The following NBAS variants were observed in gnomAD, a reference collection of about 807,000 sequenced individuals.
The protein encoded by NBAS is NBAS subunit of NRZ tethering complex, also known as NAG/BC035112 fusion.
NBAS carries 219 observed loss-of-function variants against 302.5 expected under a neutral mutation model. That is an observed-to-expected ratio of 0.72 (90% CI 0.65 to 0.81). The LOEUF is 0.81. NBAS is among the 30% of genes least tolerant of loss of function. The pLI is 0.00. For synonymous variants in NBAS, 1,118 were observed against 1,021.6 expected (o/e 1.09, Z -1.80); for missense variants, 2,932 against 2,841.6 (o/e 1.03, Z -0.72).
chr2:14,993,006 TATA>T, the NBAS span, among the ~76,000 whole-genome samples: 1 of 152,174 alleles, frequency 6.6e-6, no homozygotes, highest in African/African-American at 2.4e-5. Flanking sequence ...CAAACAATTT[TATA>T]ATGTTTGTGA....
chr2:15,119,553 A>G, the NBAS span, among the ~76,000 whole-genome samples: 1 of 151,890 alleles, frequency 6.6e-6, no homozygotes, highest in Non-Finnish European at 1.5e-5. Context: ...GTTGGCCAAG[A>G]TGGTCTCGAT....
the NBAS span, among the ~76,000 whole-genome samples, chr2:14,803,334 G>C: frequency 6.6e-6 from 1 of 152,168 alleles, no homozygotes; most frequent in South Asian, 2.1e-4. Context: ...CTACTTAGCT[G>C]AATATTTTAG....
the NBAS span, among the ~76,000 whole-genome samples, chr2:14,990,446 G>A: frequency 1.3e-5 from 2 of 151,798 alleles, no homozygotes; most frequent in Admixed American, 6.6e-5. Flanking sequence ...TGTTAAAACA[G>A]CAAGAATACT....
At chr2:15,198,941 A>G (rs932692094) in intron 48 of NBAS, among the ~76,000 whole-genome samples, 3 of 152,066 alleles carry the variant, frequency 2.0e-5, no homozygotes, top group African/African-American at 7.2e-5. Flanking sequence ...CCTGGTTAAC[A>G]TGGGGAAACC....
At chr2:15,299,541 T>C (rs1210602573) in intron 40 of NBAS, among the ~76,000 whole-genome samples, 6 of 152,200 alleles carry the variant, frequency 3.9e-5, no homozygotes. Flanking sequence ...TTCTACTTAG[T>C]ATTTTCAATT....
At chr2:15,287,652 C>G (rs1224597310) in intron 41 of NBAS, among the ~76,000 whole-genome samples, 1 of 150,790 alleles carries the variant, frequency 6.6e-6, no homozygotes, top group Non-Finnish European at 1.5e-5. Flanking sequence ...GTAGGCACCC[C>G]GAGCACCATG....
chr2:14,812,722 T>C, the NBAS span, among the ~76,000 whole-genome samples: 446 of 151,902 alleles, frequency 2.9e-3, no homozygotes, highest in African/African-American at 9.9e-3. Context: ...TTATTTGGTT[T>C]CTAGTTCCTT....
intron 6 of NBAS, among the ~76,000 whole-genome samples, chr2:15,544,169 C>CTAAGT (rs572580575): frequency 1.6e-4 from 24 of 152,242 alleles, no homozygotes; most frequent in Admixed American, 1.3e-3. Context: ...TTCTTTACTT[C>CTAAGT]CAAGTCAAGT....
chr2:15,342,336 TCATGGTA>T (rs1231777634), intron 35 of NBAS, among the ~76,000 whole-genome samples: 2 of 152,040 alleles, frequency 1.3e-5, no homozygotes, highest in Admixed American at 6.6e-5. Context: ...AAACAATAAA[TCATGGTA>T]CATGCATCCA....
intron 1 of NBAS, among the ~76,000 whole-genome samples, chr2:15,560,847 C>T (rs1664876590): frequency 6.6e-6 from 1 of 152,134 alleles, no homozygotes; most frequent in South Asian, 2.1e-4. Context: ...CAGCGCTGTG[C>T]CTTCCCCTCC....
At chr2:14,794,025 A>G in the NBAS span, among the ~76,000 whole-genome samples, 1 of 152,214 alleles carries the variant, frequency 6.6e-6, no homozygotes, top group Admixed American at 6.5e-5. Context: ...ACTTGTCATT[A>G]GTAGTGTCAC....
the NBAS span, among the ~76,000 whole-genome samples, chr2:15,001,657 T>C: frequency 6.6e-6 from 1 of 152,318 alleles, no homozygotes; most frequent in South Asian, 2.1e-4. Context: ...TTGGTCTCAC[T>C]GACTTCAAGA....
At chr2:15,506,554 T>C (rs1160680424) in intron 10 of NBAS, among the ~76,000 whole-genome samples, 1 of 152,156 alleles carries the variant, frequency 6.6e-6, no homozygotes, top group East Asian at 1.9e-4. Flanking sequence ...CCCTCAAATT[T>C]GAAGGTTATG....
intron 46 of NBAS, 48 bp from the exon 47 acceptor site, chr2:15,232,559 C>A (rs1456564574): frequency 1.3e-6 from 2 of 1,562,876 alleles, no homozygotes; most frequent in Non-Finnish European, 8.8e-7. Flanking sequence ...ACTCAAGTCT[C>A]AGAAATAAAC....
At chr2:15,319,540 T>TG (rs1208276717) in intron 38 of NBAS, among the ~76,000 whole-genome samples, 2 of 150,626 alleles carry the variant, frequency 1.3e-5, no homozygotes, top group Non-Finnish European at 3.0e-5. Context: ...ATCAAACAGA[T>TG]GCAATAAAAA....
At chr2:15,184,713 C>T (rs1664994632) in intron 50 of NBAS, among the ~76,000 whole-genome samples, 1 of 152,158 alleles carries the variant, frequency 6.6e-6, no homozygotes. Flanking sequence ...GGACTGATAG[C>T]AGTCCTCGGC....
the NBAS span, among the ~76,000 whole-genome samples, chr2:14,888,122 C>CTTTA: frequency 9.2e-4 from 140 of 151,948 alleles, 1 homozygote; most frequent in African/African-American, 2.1e-3. Flanking sequence ...CGTTTTATCC[C>CTTTA]TTTATTTATT....
At chr2:15,144,019 C>CTATATATATATATTATCTTATATATATA in the NBAS span, among the ~76,000 whole-genome samples, 2 of 112,220 alleles carry the variant, frequency 1.8e-5, no homozygotes, top group African/African-American at 7.7e-5. Context: ...TGAGTTAATA[C>CTATATATATATATTATCTTATATATATA]TATATATATA....
At chr2:15,048,043 G>A in the NBAS span, among the ~76,000 whole-genome samples, 33 of 5,534 alleles carry the variant, frequency 6.0e-3, no homozygotes, top group Admixed American at 0.013. Flanking sequence ...GAGAACTCCT[G>A]CTGGGCCGAG....
Sources: allele counts gnomAD v4.1 joint callset (sites outside exome capture counted in the v4.1 genomes callset), GRCh38; gene constraint gnomAD v4.1.1; transcripts MANE v1.5; gene names NCBI Gene and HGNC (gene_info 2026-07-23, HGNC 2026-07-21).